The following CTNNA3 variants were observed in gnomAD, a reference collection of about 807,000 sequenced individuals.
The protein encoded by CTNNA3 is catenin alpha-3.
In CTNNA3, 76 loss-of-function variants were observed where a neutral mutation model predicts 95.7. That is an observed-to-expected ratio of 0.79 (90% confidence interval 0.66 to 0.96). The LOEUF is 0.96. Among genes scored for constraint, CTNNA3 ranks in the 40% least tolerant of loss-of-function variants. The pLI, the probability that CTNNA3 is intolerant of heterozygous loss-of-function variation, is 0.00. For missense variants in CTNNA3, 1,191 were observed against 1,089.8 expected (o/e 1.09, Z -1.31); for synonymous variants, 431 against 374.4 (o/e 1.15, Z -1.74).
chr10:66,153,051 A>G (rs1480077891), intron 13 of CTNNA3, among the ~76,000 whole-genome samples: 3 of 151,818 alleles, frequency 2.0e-5, no homozygotes, highest in Non-Finnish European at 2.9e-5. Flanking sequence ...ATATTGATCT[A>G]TCTTAAAGTT....
chr10:67,221,638 G>T (rs765950188), intron 5 of CTNNA3, among the ~76,000 whole-genome samples: 2 of 151,952 alleles, frequency 1.3e-5, no homozygotes, highest in Admixed American at 1.3e-4. Context: ...ACAGTGGCGC[G>T]ATCTAGGCTC....
chr10:67,217,275 T>C (rs922427731), intron 6 of CTNNA3, among the ~76,000 whole-genome samples: 1 of 151,860 alleles, frequency 6.6e-6, no homozygotes, highest in Non-Finnish European at 1.5e-5. Context: ...ACCATTTAAT[T>C]TACCAAATCA....
intron 9 of CTNNA3, among the ~76,000 whole-genome samples, chr10:66,664,906 A>C (rs918375197): frequency 2.2e-5 from 3 of 135,988 alleles, no homozygotes; most frequent in East Asian, 2.3e-4. Context: ...AAAAAAAAAA[A>C]AAAACAGAGA....
At chr10:67,386,621 A>C (rs1422419734) in intron 5 of CTNNA3, among the ~76,000 whole-genome samples, 1 of 152,232 alleles carries the variant, frequency 6.6e-6, no homozygotes, top group African/African-American at 2.4e-5. Flanking sequence ...CAAAGCACTG[A>C]GGAAGATCAT....
At chr10:66,563,983 G>A (rs1250893838) in intron 10 of CTNNA3, among the ~76,000 whole-genome samples, 8 of 151,910 alleles carry the variant, frequency 5.3e-5, no homozygotes, top group Admixed American at 1.3e-4. Flanking sequence ...CATGTCTCCC[G>A]AAAATGTATA....
intron 1 of CTNNA3, among the ~76,000 whole-genome samples, chr10:67,718,986 T>C (rs182432657): frequency 1.2e-3 from 180 of 152,284 alleles, no homozygotes; most frequent in African/African-American, 4.2e-3. Context: ...TCAGAACTTG[T>C]TATTGGTCTA....
At chr10:66,178,467 A>C (rs1433709510) in intron 13 of CTNNA3, among the ~76,000 whole-genome samples, 2 of 69,940 alleles carry the variant, frequency 2.9e-5, no homozygotes, top group Non-Finnish European at 5.5e-5. Context: ...AGAAAGAGAG[A>C]GGTACATACA....
intron 7 of CTNNA3, among the ~76,000 whole-genome samples, chr10:67,168,205 C>A (rs1370304336): frequency 6.6e-6 from 1 of 152,110 alleles, no homozygotes; most frequent in African/African-American, 2.4e-5. Flanking sequence ...ACCAGATGTA[C>A]AAAGAAGAGC....
chr10:66,263,203 A>G (rs1393273782), intron 13 of CTNNA3, among the ~76,000 whole-genome samples: 1 of 152,032 alleles, frequency 6.6e-6, no homozygotes, highest in East Asian at 1.9e-4. Context: ...TCTGCAGAGC[A>G]TATTGGAACA....
At chr10:66,141,884 A>C (rs185122554) in intron 13 of CTNNA3, among the ~76,000 whole-genome samples, 2 of 152,290 alleles carry the variant, frequency 1.3e-5, no homozygotes, top group African/African-American at 2.4e-5. Flanking sequence ...CCTTATAGAG[A>C]AGATGGATAG....
chr10:66,249,165 A>C (rs1385646474), intron 13 of CTNNA3, among the ~76,000 whole-genome samples: 2 of 152,136 alleles, frequency 1.3e-5, no homozygotes, highest in Non-Finnish European at 2.9e-5. Context: ...GAAACTATAA[A>C]ACTACTAAAA....
intron 3 of CTNNA3, among the ~76,000 whole-genome samples, chr10:67,547,472 TG>T (rs1367939155): frequency 1.3e-5 from 2 of 152,224 alleles, no homozygotes; most frequent in Non-Finnish European, 1.5e-5. Flanking sequence ...GTCCCACAGC[TG>T]TGATCAGAGC....
At chr10:67,425,043 T>C (rs545243544) in intron 5 of CTNNA3, among the ~76,000 whole-genome samples, 33 of 152,262 alleles carry the variant, frequency 2.2e-4, no homozygotes, top group African/African-American at 7.9e-4. Context: ...GCACTTAGTA[T>C]AATGCTTCAA....
At chr10:66,488,969 T>C (rs565231421) in intron 11 of CTNNA3, among the ~76,000 whole-genome samples, 3 of 152,236 alleles carry the variant, frequency 2.0e-5, no homozygotes, top group Non-Finnish European at 2.9e-5. Flanking sequence ...TATAAATCAT[T>C]GAGAAGTAAG....
intron 11 of CTNNA3, among the ~76,000 whole-genome samples, chr10:66,493,676 G>A (rs57397153): frequency 0.081 from 11,797 of 145,970 alleles, 1,141 homozygotes; most frequent in East Asian, 0.32. Context: ...CGTGATCTCC[G>A]GTCACTACAA....
At chr10:67,130,925 G>T (rs1358310543) in intron 7 of CTNNA3, among the ~76,000 whole-genome samples, 6 of 152,044 alleles carry the variant, frequency 3.9e-5, no homozygotes, top group Non-Finnish European at 7.4e-5. Context: ...CATCAAGAAG[G>T]TAAGTCATTC....
intron 9 of CTNNA3, among the ~76,000 whole-genome samples, chr10:66,751,801 C>T (rs1254000400): frequency 6.6e-6 from 1 of 151,916 alleles, no homozygotes; most frequent in Non-Finnish European, 1.5e-5. Flanking sequence ...AAGTGTACTA[C>T]ACACAAAAAA....
chr10:66,162,418 C>T (rs1343628407), intron 13 of CTNNA3, among the ~76,000 whole-genome samples: 1 of 152,084 alleles, frequency 6.6e-6, no homozygotes, highest in Non-Finnish European at 1.5e-5. Flanking sequence ...TAGTTATTCT[C>T]CCCCTTTTCC....
chr10:67,035,946 C>A (rs1333630733), intron 7 of CTNNA3, among the ~76,000 whole-genome samples: 3 of 152,106 alleles, frequency 2.0e-5, no homozygotes, highest in Non-Finnish European at 4.4e-5. Context: ...TAGAACTAGA[C>A]AACTTTTCTT....
Sources: gnomAD v4.1 joint callset for allele counts (sites outside exome capture counted in the v4.1 genomes callset) on GRCh38, gnomAD v4.1.1 for gene constraint, MANE v1.5 for transcripts, NCBI Gene and HGNC (gene_info 2026-07-23, HGNC 2026-07-21) for gene names.